PRKCB: variants seen among roughly 807,000 people sequenced by gnomAD.
PRKCB encodes protein kinase C beta, also known as protein kinase C beta type.
Under a neutral mutation model 81.5 loss-of-function variants are expected in PRKCB, and 13 were observed. That is an observed-to-expected ratio of 0.16 (90% CI 0.10 to 0.25). PRKCB has a LOEUF of 0.25. Among genes scored for constraint, PRKCB ranks in the 10% least tolerant of loss-of-function variants. PRKCB has a pLI of 1.00. For synonymous variants in PRKCB, 335 were observed against 321.4 expected (o/e 1.04, Z -0.45); for missense variants, 509 against 875.7 (o/e 0.58, Z 5.29).
At chr16:24,061,717 T>C (rs1965974762) in intron 5 of PRKCB, among the ~76,000 whole-genome samples, 1 of 152,230 alleles carries the variant, frequency 6.6e-6, no homozygotes, top group East Asian at 1.9e-4. Flanking sequence ...CATTCCAAAA[T>C]TGATTTTTAT....
At chr16:24,035,148 T>C (rs533226162) in intron 4 of PRKCB, among the ~76,000 whole-genome samples, 1 of 152,030 alleles carries the variant, frequency 6.6e-6, no homozygotes, top group East Asian at 1.9e-4. Context: ...CCTTAAGGGG[T>C]GTGGGGTGTG....
chr16:24,154,608 C>A (rs1449111860), intron 9 of PRKCB, 76 bp from the exon 10 acceptor site: 37 of 1,466,746 alleles, frequency 2.5e-5, no homozygotes, highest in African/African-American at 1.4e-5. Context: ...AGTGTGGCTA[C>A]AAATGAACAC....
At chr16:24,042,093 G>T (rs76305646) in intron 5 of PRKCB, among the ~76,000 whole-genome samples, 2,357 of 152,100 alleles carry the variant, frequency 0.015, 58 homozygotes, top group African/African-American at 0.055. Flanking sequence ...GAACTTTGGT[G>T]GGGGGGTACG....
At chr16:23,902,546 C>T (rs984551697) in intron 2 of PRKCB, among the ~76,000 whole-genome samples, 1 of 152,006 alleles carries the variant, frequency 6.6e-6, no homozygotes, top group African/African-American at 2.4e-5. Flanking sequence ...TATAGCAGTC[C>T]CCATTTTACA....
chr16:24,007,626 A>G (rs1233798259), intron 3 of PRKCB, among the ~76,000 whole-genome samples: 1 of 152,218 alleles, frequency 6.6e-6, no homozygotes, highest in Non-Finnish European at 1.5e-5. Flanking sequence ...CAAATCCATG[A>G]TGCTGGAAGG....
At chr16:24,171,235 T>C (rs1400869032) in intron 10 of PRKCB, among the ~76,000 whole-genome samples, 1 of 152,106 alleles carries the variant, frequency 6.6e-6, no homozygotes, top group Non-Finnish European at 1.5e-5. Context: ...TTGTCTCGAG[T>C]GAAGGATCTG....
intron 2 of PRKCB, among the ~76,000 whole-genome samples, chr16:23,895,095 G>C (rs1026532230): frequency 6.6e-6 from 1 of 152,008 alleles, no homozygotes; most frequent in African/African-American, 2.4e-5. Context: ...ATTTTTTCTG[G>C]TGTATTTCAT....
At chr16:23,940,175 A>T (rs979765936) in intron 2 of PRKCB, among the ~76,000 whole-genome samples, 27 of 152,192 alleles carry the variant, frequency 1.8e-4, no homozygotes, top group African/African-American at 6.5e-4. Context: ...AATGTCAAAA[A>T]TGAAAAATAA....
At chr16:23,976,548 C>G (rs1293489511) in intron 2 of PRKCB, among the ~76,000 whole-genome samples, 1 of 152,162 alleles carries the variant, frequency 6.6e-6, no homozygotes, top group Non-Finnish European at 1.5e-5. Flanking sequence ...AATCAGTGAG[C>G]CAGTGAAGAG....
At chr16:24,117,217 A>G (rs1237144243) in intron 8 of PRKCB, among the ~76,000 whole-genome samples, 1 of 152,208 alleles carries the variant, frequency 6.6e-6, no homozygotes, top group African/African-American at 2.4e-5. Flanking sequence ...CAAGCCTCTT[A>G]TCTGGAGGAA....
At chr16:24,096,595 T>C (rs974441637) in intron 7 of PRKCB, among the ~76,000 whole-genome samples, 1 of 148,726 alleles carries the variant, frequency 6.7e-6, no homozygotes, top group Non-Finnish European at 1.5e-5. Flanking sequence ...GTTGTTTTCA[T>C]AGTCAGCTGC....
intron 3 of PRKCB, among the ~76,000 whole-genome samples, chr16:24,018,585 C>CTGCAG (rs1294749903): frequency 2.0e-5 from 3 of 152,218 alleles, no homozygotes; most frequent in African/African-American, 4.8e-5. Flanking sequence ...TTGACATGGA[C>CTGCAG]TGCAGTGCAG....
chr16:23,910,831 T>C lies in PRKCB; in HGVS notation c.205+73425T>C, dbSNP rs954314171. On this transcript the variant is annotated intron_variant, in intron 2 of 16. Transcript: ENST00000643927. ...ATTAGCAGTCGCTCTCCATTTTTTT[T>C]CTCTCTTCCCTGCGGCCCCTGGTAA... is the stretch of plus-strand genomic sequence containing the variant. Among the ~76,000 whole-genome samples, 3 of 152,146 alleles carry C rather than the reference T, an allele frequency of 2.0e-5. No homozygotes were observed. The East Asian group carries it at 5.8e-4, about 29-fold the overall frequency.
chr16:23,872,237 A>G (rs1962917064), intron 2 of PRKCB, among the ~76,000 whole-genome samples: 1 of 152,198 alleles, frequency 6.6e-6, no homozygotes, highest in Admixed American at 6.5e-5. Flanking sequence ...TGGCTTCTCC[A>G]TGTCTCTCTG....
At chr16:24,159,341 C>A (rs1470318865) in intron 10 of PRKCB, among the ~76,000 whole-genome samples, 1 of 152,132 alleles carries the variant, frequency 6.6e-6, no homozygotes. Context: ...GCTCAGAGCC[C>A]AAGCTTTTGT....
rs1479314378 is a variant in PRKCB at position 24,021,321 on chromosome 16, T to C, written c.289-10815T>C. 5.3e-4 allele frequency among the ~76,000 whole-genome samples: 27 copies of C among 51,248 alleles called. 2 individuals carry two copies. Among genetic ancestry groups the C allele is most frequent in the African/African-American group, 2.4e-3 (26 of 10,732 alleles). 33.6% of individuals were successfully genotyped at this position (51,248 alleles called of 152,430 possible). On this transcript the variant is annotated intron_variant, in intron 3 of 16. Transcript: ENST00000643927. ...TTCCTTCCTTCCTTCCTTCCTTCCTTCCTTCCTTCCTTCCTTCCTTCCTTC... is the reference window on the plus strand; with the variant it reads ...TTCCTTCCTTCCTTCCTTCCTTCCTCCCTTCCTTCCTTCCTTCCTTCCTTC...
At chr16:24,213,847 A>T (rs574199657) in intron 16 of PRKCB, among the ~76,000 whole-genome samples, 1 of 152,286 alleles carries the variant, frequency 6.6e-6, no homozygotes, top group Non-Finnish European at 1.5e-5. Context: ...TCTGCCTCAG[A>T]TGGGGGCCTT....
At chr16:24,127,638 A>G (rs1966846860) in intron 9 of PRKCB, among the ~76,000 whole-genome samples, 1 of 151,748 alleles carries the variant, frequency 6.6e-6, no homozygotes, top group Admixed American at 6.6e-5. Flanking sequence ...GTTGGGGGGT[A>G]GTGGGTGGAG....
chr16:23,918,684 A>T (rs370325902), intron 2 of PRKCB, among the ~76,000 whole-genome samples: 1 of 152,250 alleles, frequency 6.6e-6, no homozygotes, highest in East Asian at 1.9e-4. Context: ...GGCATGAGGC[A>T]CCATGCCAGG....
Sources: allele counts gnomAD v4.1 joint callset (sites outside exome capture counted in the v4.1 genomes callset), GRCh38; gene constraint gnomAD v4.1.1; transcripts MANE v1.5; gene names NCBI Gene and HGNC (gene_info 2026-07-23, HGNC 2026-07-21).